The following CHCHD6 variants were observed in gnomAD, a reference collection of about 807,000 sequenced individuals.
CHCHD6 encodes MICOS complex subunit MIC25.
A neutral mutation model predicts 32.3 loss-of-function variants in CHCHD6; 28 were observed. The ratio of observed to expected loss-of-function variants is 0.87; its 90% CI spans 0.64 to 1.19. The LOEUF (loss-of-function observed/expected upper bound fraction) is 1.19. Among genes scored for constraint, CHCHD6 ranks in the 50% most tolerant of loss-of-function variants. CHCHD6 has a pLI of 0.00. For missense variants in CHCHD6, 333 were observed against 307.0 expected (o/e 1.08, Z -0.63); for synonymous variants, 122 against 117.5 (o/e 1.04, Z -0.25).
chr3:126,912,930 G>A (rs1356478443), intron 5 of CHCHD6, among the ~76,000 whole-genome samples: 1 of 149,342 alleles, frequency 6.7e-6, no homozygotes, highest in Non-Finnish European at 1.5e-5. Flanking sequence ...GCCGAGGGGG[G>A]TCCGTGGTGC....
At chr3:126,883,395 G>A (rs2077637574) in intron 5 of CHCHD6, among the ~76,000 whole-genome samples, 1 of 152,230 alleles carries the variant, frequency 6.6e-6, no homozygotes, top group Non-Finnish European at 1.5e-5. Flanking sequence ...ACTGTCTTCA[G>A]GGAGATGGTG....
chr3:126,901,678 G>A (rs1240249819), intron 5 of CHCHD6, among the ~76,000 whole-genome samples: 3 of 152,246 alleles, frequency 2.0e-5, no homozygotes, highest in East Asian at 1.9e-4. Flanking sequence ...ATTCTGGAAC[G>A]TAGATCAGTT....
intron 4 of CHCHD6, among the ~76,000 whole-genome samples, chr3:126,800,540 T>G (rs1189874298): frequency 6.6e-5 from 10 of 152,058 alleles, no homozygotes; most frequent in Admixed American, 6.5e-4. Flanking sequence ...AAAGATGAGG[T>G]TGAAGTCTGT....
chr3:126,730,707 T>G, intron 3 of CHCHD6, 77 bp downstream of exon 3: 1 of 1,222,590 alleles, frequency 8.2e-7, no homozygotes, highest in Non-Finnish European at 1.2e-6. Flanking sequence ...ACCCCTCTCC[T>G]TGCCTGAAGC....
chr3:126,763,460 C>A (rs1213421695), intron 4 of CHCHD6, among the ~76,000 whole-genome samples: 1 of 151,966 alleles, frequency 6.6e-6, no homozygotes, highest in African/African-American at 2.4e-5. Context: ...AGTACCTAGG[C>A]CTATAGGTGG....
At chr3:126,732,972 T>C in intron 3 of CHCHD6, 106 bp from the exon 4 acceptor site, 1 of 1,302,742 alleles carries the variant, frequency 7.7e-7, no homozygotes, top group South Asian at 1.3e-5. Context: ...GCTGGCTGGT[T>C]TCAGCATTTC....
At chr3:126,764,605 G>C (rs1937289296) in intron 4 of CHCHD6, among the ~76,000 whole-genome samples, 1 of 152,216 alleles carries the variant, frequency 6.6e-6, no homozygotes, top group African/African-American at 2.4e-5. Flanking sequence ...GCTGCCGGAA[G>C]ATCTAAGTGC....
intron 4 of CHCHD6, among the ~76,000 whole-genome samples, chr3:126,735,751 C>G (rs1576353833): frequency 6.6e-6 from 1 of 152,354 alleles, no homozygotes; most frequent in East Asian, 1.9e-4. Context: ...CCTACACTTT[C>G]AGGGTACCAT....
At chr3:126,735,337 C>G (rs1474955292) in intron 4 of CHCHD6, among the ~76,000 whole-genome samples, 7 of 152,218 alleles carry the variant, frequency 4.6e-5, no homozygotes, top group African/African-American at 1.7e-4. Context: ...ATTCCCATCC[C>G]CCTCAGGTCT....
intron 6 of CHCHD6, among the ~76,000 whole-genome samples, chr3:126,918,607 C>T (rs2060146): frequency 6.6e-6 from 1 of 152,042 alleles, no homozygotes; most frequent in Non-Finnish European, 1.5e-5. Context: ...GCATTTTAAA[C>T]AGCTGGATTA....
chr3:126,913,207 CTTTTTTTTTTTTTTTTTTTTTT>C (rs546179022), intron 5 of CHCHD6, among the ~76,000 whole-genome samples: 61 of 33,786 alleles, frequency 1.8e-3, no homozygotes, highest in Admixed American at 2.0e-3. Flanking sequence ...CCGTATGAGC[CTTTTTTTTTTTTTTTTTTTTTT>C]TTTTTTTTTT....
At chr3:126,754,859 T>C (rs571894668) in intron 4 of CHCHD6, among the ~76,000 whole-genome samples, 58 of 152,296 alleles carry the variant, frequency 3.8e-4, no homozygotes, top group African/African-American at 1.4e-3. Context: ...TGGGAGGCTG[T>C]CTCTCAGAAC....
At chr3:126,772,112 G>GT (rs1010846971) in intron 4 of CHCHD6, among the ~76,000 whole-genome samples, 2 of 151,964 alleles carry the variant, frequency 1.3e-5, no homozygotes, top group African/African-American at 4.8e-5. Context: ...TAGGTTTTTT[G>GT]TTTTTTTGAG....
chr3:126,949,273 A>G (rs1049060353), intron 6 of CHCHD6: 1 of 159,572 alleles, frequency 6.3e-6, no homozygotes, highest in African/African-American at 2.4e-5. Context: ...AACAGGCAAC[A>G]CTTCATAACC....
chr3:126,937,207 T>C (rs1325808169), intron 6 of CHCHD6, among the ~76,000 whole-genome samples: 1 of 152,242 alleles, frequency 6.6e-6, no homozygotes, highest in Admixed American at 6.5e-5. Flanking sequence ...GTGTTCTGGC[T>C]CGAGTCCACT....
intron 5 of CHCHD6, among the ~76,000 whole-genome samples, chr3:126,910,819 A>C (rs2107588036): frequency 6.6e-6 from 1 of 152,188 alleles, no homozygotes; most frequent in East Asian, 1.9e-4. Flanking sequence ...GAGGTGTGGC[A>C]GATCGTGTCT....
At chr3:126,944,685 C>T (rs2078609574) in intron 6 of CHCHD6, among the ~76,000 whole-genome samples, 1 of 152,156 alleles carries the variant, frequency 6.6e-6, no homozygotes, top group African/African-American at 2.4e-5. Flanking sequence ...TACACAGACG[C>T]ACAGCACCTG....
intron 4 of CHCHD6, among the ~76,000 whole-genome samples, chr3:126,808,010 A>G (rs1939490242): frequency 2.0e-5 from 3 of 152,250 alleles, no homozygotes; most frequent in Non-Finnish European, 2.9e-5. Context: ...TTCCTGGCTT[A>G]AAACAACAAC....
intron 5 of CHCHD6, among the ~76,000 whole-genome samples, chr3:126,902,587 G>A (rs896619922): frequency 6.6e-6 from 1 of 151,800 alleles, no homozygotes. Context: ...CATGGTGGCG[G>A]GCACCTGTAG....
Sources: gnomAD v4.1 joint callset for allele counts (sites outside exome capture counted in the v4.1 genomes callset) on GRCh38, gnomAD v4.1.1 for gene constraint, MANE v1.5 for transcripts, NCBI Gene and HGNC (gene_info 2026-07-23, HGNC 2026-07-21) for gene names.